THOC7: variants seen among roughly 807,000 people sequenced by gnomAD.
THOC7 encodes the protein NIF3L1-binding protein 1.
Under a neutral mutation model 33.1 loss-of-function variants are expected in THOC7, and 22 were observed. The observed-to-expected ratio is 0.66, with a 90% confidence interval of 0.47 to 0.95. The LOEUF is 0.95. Ranked by LOEUF, THOC7 falls within the 40% of genes least tolerant of loss-of-function variation. THOC7 has a pLI of 0.00. For missense variants in THOC7, 184 were observed against 245.3 expected (o/e 0.75, Z 1.67); for synonymous variants, 77 against 76.8 (o/e 1.00, Z -0.01).
chr3:63,862,462 AG>A (rs1261867024), intron 1 of THOC7, among the ~76,000 whole-genome samples: 1 of 152,194 alleles, frequency 6.6e-6, no homozygotes, highest in Non-Finnish European at 1.5e-5. Flanking sequence ...AATTTTGGAG[AG>A]GGAAAAGTTC....
chr3:63,862,172 C>G (rs772745873), intron 1 of THOC7, among the ~76,000 whole-genome samples: 16 of 152,230 alleles, frequency 1.1e-4, no homozygotes, highest in Non-Finnish European at 1.9e-4. Context: ...CCTTAGAGAT[C>G]TCTGGCTCAT....
At chr3:63,862,132 G>A (rs958995864) in intron 1 of THOC7, among the ~76,000 whole-genome samples, 2 of 152,216 alleles carry the variant, frequency 1.3e-5, no homozygotes, top group African/African-American at 4.8e-5. Context: ...CACCACACCA[G>A]TGTTAAAACT....
chr3:63,850,743 C>A (rs1300532249), intron 1 of THOC7, among the ~76,000 whole-genome samples: 1 of 151,858 alleles, frequency 6.6e-6, no homozygotes, highest in African/African-American at 2.4e-5. Flanking sequence ...CCTACCACCA[C>A]GCCCAGCTAA....
rs1319717434 is a variant in THOC7 at position 63,839,640 on chromosome 3, A to T, written c.137+16T>A. ...ATTAGGACACTGGTATGGAAACAAC[A>T]GTGAAAATGAAATACCCCTCTTCCT... On this transcript the variant is annotated intron_variant, in intron 2 of 7. Coordinates refer to ENST00000295899, the MANE Select transcript of THOC7 (RefSeq NM_025075.4). 2 of 1,602,898 alleles carry T rather than the reference A, an allele frequency of 1.2e-6. No homozygotes were observed. The highest frequency in any genetic ancestry group is 8.5e-7 in the Non-Finnish European group (1 of 1,171,580).
Position 63,839,784 on chromosome 3 carries a change from G to A in THOC7, c.20-11C>T, listed in dbSNP as rs2107126526. On this transcript the variant is annotated splice_polypyrimidine_tract_variant and intron_variant, in intron 1 of 7. Transcript: ENST00000295899. The stretch of plus-strand genomic sequence containing the variant: ...TCCGTATAACTTCGTCTGCAGGAAA[G>A]AAGGGCAATGTTACCATCTGGCTCT... The A allele has an allele frequency of 6.2e-7, 1 of 1,608,434 alleles. No individual in the cohort carries two copies. The highest frequency in any genetic ancestry group is 2.2e-5 in the East Asian group (1 of 44,834).
intron 1 of THOC7, chr3:63,846,178 CTAAA>C: frequency 2.2e-6 from 1 of 449,656 alleles, no homozygotes; most frequent in Non-Finnish European, 4.5e-6. Context: ...CAATCTACTA[CTAAA>C]TATTCAGTCT....
At chr3:63,863,940 C>A, upstream of THOC7, 4 of 154,162 alleles carry the variant, frequency 2.6e-5, no homozygotes, top group Non-Finnish European at 4.6e-5. Flanking sequence ...ACGCCTGAGC[C>A]GCGCCGCGCC....
chr3:63,835,026 G>T, intron 7 of THOC7, 128 bp downstream of exon 7: 1 of 855,994 alleles, frequency 1.2e-6, no homozygotes, highest in African/African-American at 1.7e-5. Flanking sequence ...ACCTTCTAAC[G>T]TCATCCAGCT....
intron 1 of THOC7, among the ~76,000 whole-genome samples, chr3:63,841,668 T>C (rs1250186347): frequency 6.6e-6 from 1 of 152,242 alleles, no homozygotes; most frequent in Non-Finnish European, 1.5e-5. Context: ...ATCAAGTGTT[T>C]TAATTTTATA....
chr3:63,839,675 A>G lies in THOC7; in HGVS notation c.118T>C (p.Ser40Pro), dbSNP rs896878214. The G allele has an allele frequency of 5.6e-6, 9 of 1,612,170 alleles. No individual in the cohort carries two copies. The highest frequency in any genetic ancestry group is 7.6e-6 in the Non-Finnish European group (9 of 1,179,844). ...LVKSFIKWCN[S>P]GSQEEGYSQY... is the part of the protein sequence containing the mutation. ...AAATACCCCTCTTCCTGGGACCCAG[A>G]GTTGCACCATTTAATGAAACTCTTC... Residue 40 changes from serine to proline, a missense_variant, in exon 2 of 8, where the codon TCT becomes CCT. Ser to Pro is a moderately conservative substitution (Grantham distance 74, BLOSUM62 -1). Around this residue, in one of 3 missense-constraint regions of THOC7, gnomAD observed 157 missense variants for 201.3 expected, o/e 0.78. Transcript: ENST00000295899.
chr3:63,851,900 C>A (rs1428575513), intron 1 of THOC7, among the ~76,000 whole-genome samples: 2 of 152,132 alleles, frequency 1.3e-5, no homozygotes, highest in African/African-American at 4.8e-5. Flanking sequence ...AAAAAATAAC[C>A]TTCAAGTCTG....
intron 1 of THOC7, among the ~76,000 whole-genome samples, chr3:63,840,991 G>C (rs914297668): frequency 6.6e-6 from 1 of 152,216 alleles, no homozygotes; most frequent in Non-Finnish European, 1.5e-5. Context: ...GATGTTCTTA[G>C]TGGTACTGTT....
chr3:63,863,824 GCAA>G, upstream of THOC7: 1 of 1,228,202 alleles, frequency 8.1e-7, no homozygotes, highest in Non-Finnish European at 1.0e-6. Flanking sequence ...CGGCGGCGGC[GCAA>G]GCTGAGGCGG....
intron 1 of THOC7, among the ~76,000 whole-genome samples, chr3:63,846,608 C>A (rs1161625520): frequency 6.6e-6 from 1 of 152,040 alleles, no homozygotes; most frequent in Non-Finnish European, 1.5e-5. Context: ...CGTGGTTTTA[C>A]CATGTTGGCC....
At chr3:63,849,682 G>A (rs900339446) in intron 1 of THOC7, among the ~76,000 whole-genome samples, 1 of 152,194 alleles carries the variant, frequency 6.6e-6, no homozygotes, top group African/African-American at 2.4e-5. Context: ...AAATGAGGGT[G>A]AATGTAGAGA....
In THOC7 at chr3:63,835,345, A is replaced by G; in HGVS notation, c.456T>C (p.Ile152=). ...LGKELEHLSH[I]KESVEDKLEL... ...ATACCTTATCTTCAACACTTTCTTTAATGTGTGAAAGATGCTCTAATTCTT... is the reference window on the plus strand; with the variant it reads ...ATACCTTATCTTCAACACTTTCTTTGATGTGTGAAAGATGCTCTAATTCTT... Residue 152 remains isoleucine (I), a synonymous_variant, in exon 6 of 8, where the codon ATT becomes ATC. Transcript: ENST00000295899. The G allele has an allele frequency of 1.2e-6, 2 of 1,613,548 alleles. No individual in the cohort carries two copies. The highest frequency in any genetic ancestry group is 1.3e-5 in the African/African-American group (1 of 75,014).
chr3:63,835,253 A>G (rs1371593421), intron 6 of THOC7, 30 bp from the exon 7 acceptor site: 1 of 1,612,868 alleles, frequency 6.2e-7, no homozygotes, highest in Non-Finnish European at 8.5e-7. Flanking sequence ...ATTTATACAA[A>G]TGACCTGTAT....
At chr3:63,849,204 T>C (rs1403968479) in intron 1 of THOC7, among the ~76,000 whole-genome samples, 5 of 152,162 alleles carry the variant, frequency 3.3e-5, no homozygotes, top group Non-Finnish European at 5.9e-5. Context: ...CTGGCCAACA[T>C]GGTGAAACCC....
chr3:63,836,202 T>C (rs1222886876), intron 5 of THOC7, 99 bp downstream of exon 5: 1 of 1,143,428 alleles, frequency 8.7e-7, no homozygotes, highest in African/African-American at 1.6e-5. Context: ...CCCCTCCTTT[T>C]GAAACATATT....
Sources: gnomAD v4.1 joint callset for allele counts (sites outside exome capture counted in the v4.1 genomes callset) on GRCh38, gnomAD v4.1.1 for gene constraint, gnomAD v4.1.1 regional missense constraint, MANE v1.5 for transcripts, NCBI Gene and HGNC (gene_info 2026-07-23, HGNC 2026-07-21) for gene names.